The following SOX6 variants were observed in gnomAD, a reference collection of about 807,000 sequenced individuals.
SOX6 encodes the protein SRY-box transcription factor 6, also known as transcription factor SOX-6.
In SOX6, 11 loss-of-function variants were observed where a neutral mutation model predicts 97.8. The ratio of observed to expected loss-of-function variants is 0.11; its 90% CI spans 0.07 to 0.19. The LOEUF (loss-of-function observed/expected upper bound fraction) is 0.19. Ranked by LOEUF, SOX6 falls within the 10% of genes least tolerant of loss-of-function variation. The probability of loss-of-function intolerance (pLI) is 1.00; values close to 1 mark genes in which losing one functional copy is unlikely to be tolerated. For synonymous variants in SOX6, 360 were observed against 371.4 expected, an observed-to-expected ratio of 0.97 and a Z score of 0.35; for missense variants, 810 against 1,039.5, an observed-to-expected ratio of 0.78 and a Z score of 3.04.
In SOX6 at chr11:16,318,601, G is replaced by A. The variant is rs1855820959; in HGVS notation, c.290C>T (p.Thr97Ile). ...CSLYSFRNTSTSPHKPDEGSR... is the reference protein window; with the variant it reads ...CSLYSFRNTSISPHKPDEGSR... Reference sequence around the variant, plus strand: ...CCCTTCGTCAGGCTTATGTGGTGAGGTAGAGGTATTTCGGAAGGAATATAG... The same window carrying A: ...CCCTTCGTCAGGCTTATGTGGTGAGATAGAGGTATTTCGGAAGGAATATAG... The change falls in exon 3 of 16, where the codon ACC becomes ATC. Residue 97 changes from threonine to isoleucine, a missense_variant. This residue lies in a region of SOX6 where 46 missense variants were observed against 84.1 expected (regional missense o/e 0.55). Transcript: ENST00000683767. The A allele has an allele frequency of 6.2e-7, 1 of 1,613,586 alleles. No individual in the cohort carries two copies. Among genetic ancestry groups the A allele is most frequent in the Non-Finnish European group, 8.5e-7 (1 of 1,179,712 alleles).
intron 1 of SOX6, among the ~76,000 whole-genome samples, chr11:16,451,139 G>A (rs1200301629): frequency 6.6e-6 from 1 of 152,046 alleles, no homozygotes; most frequent in Non-Finnish European, 1.5e-5. Context: ...GGCTGAGGCA[G>A]GAGGATCATT....
At chr11:16,602,498 A>G (rs1215471610) in intron 4 of SOX6, among the ~76,000 whole-genome samples, 4 of 152,134 alleles carry the variant, frequency 2.6e-5, no homozygotes, top group Non-Finnish European at 1.5e-5. Flanking sequence ...GGTTTTCAAA[A>G]CTGTAGAAGG....
chr11:16,127,466 A>G (rs1422333811), intron 6 of SOX6, among the ~76,000 whole-genome samples: 1 of 152,094 alleles, frequency 6.6e-6, no homozygotes, highest in Non-Finnish European at 1.5e-5. Context: ...AAAAGAACAG[A>G]TGGTACACAA....
At chr11:16,359,837 C>A (rs941982319), upstream of SOX6, among the ~76,000 whole-genome samples, 2 of 152,168 alleles carry the variant, frequency 1.3e-5, no homozygotes, top group South Asian at 2.1e-4. Flanking sequence ...ATGCGACAAG[C>A]TCATTACTTT....
Position 16,134,574 on chromosome 11 carries a change from GT to G in SOX6, c.778-22652del, listed in dbSNP as rs571794719. ...TTTTCCAACAGTATGTGCTCACTTTGTTTCTTTGTGTTACCTTTTGGTAATT... is the reference window on the plus strand; with the variant it reads ...TTTTCCAACAGTATGTGCTCACTTTGTTCTTTGTGTTACCTTTTGGTAATT... On this transcript the variant is annotated intron_variant, in intron 6 of 15. Coordinates refer to ENST00000683767, the MANE Select transcript of SOX6 (RefSeq NM_001367873.1). Among the ~76,000 whole-genome samples the G allele has an allele frequency of 2.0e-5, 3 of 152,264 alleles. No homozygotes were observed. In the East Asian group the frequency reaches 5.8e-4, roughly 29 times the overall value.
intron 3 of SOX6, among the ~76,000 whole-genome samples, chr11:16,243,733 G>T (rs577515436): frequency 2.0e-5 from 3 of 151,894 alleles, no homozygotes; most frequent in African/African-American, 7.2e-5. Context: ...AAATAATTTT[G>T]CCTATTCTTG....
chr11:16,132,505 A>AAAGAAAGAGAAAGCAAGCAAGCAAGC (rs1451899878), intron 6 of SOX6, among the ~76,000 whole-genome samples: 1 of 86,152 alleles, frequency 1.2e-5, no homozygotes, highest in African/African-American at 4.1e-5. Flanking sequence ...AGAAAGAAAG[A>AAAGAAAGAGAAAGCAAGCAAGCAAGC]AAGCTTATCT....
intron 3 of SOX6, among the ~76,000 whole-genome samples, chr11:16,273,600 T>G (rs11023899): frequency 0.13 from 20,025 of 151,898 alleles, 1,783 homozygotes; most frequent in East Asian, 0.27. Context: ...AGAAATAATT[T>G]TCTCCATCTT....
chr11:16,024,679 C>G (rs577627335), intron 12 of SOX6, among the ~76,000 whole-genome samples: 26 of 151,894 alleles, frequency 1.7e-4, no homozygotes, highest in Non-Finnish European at 4.4e-5. Context: ...GCCACTGGAC[C>G]ATAAGCATTT....
chr11:16,043,085 C>A (rs1243376532), intron 12 of SOX6, among the ~76,000 whole-genome samples: 1 of 152,104 alleles, frequency 6.6e-6, no homozygotes, highest in East Asian at 1.9e-4. Context: ...TGCCAGATGC[C>A]CTTAGCTTAG....
In SOX6 at chr11:16,356,124, C is replaced by T. The variant is rs959046108; in HGVS notation, c.-35G>A. ...GTGGCTGCTCTTCCACTCTTCAATC[C>T]GGCTTTCTCTTACCACATCAGCCAG... On this transcript the variant is annotated 5_prime_UTR_variant, in exon 1 of 16. Transcript: ENST00000683767. 1.3e-5 allele frequency among the ~76,000 whole-genome samples: 2 copies of T among 151,844 alleles called. No homozygotes were observed. The highest frequency in any genetic ancestry group is 2.1e-4 in the South Asian group (1 of 4,804).
chr11:16,117,702 GC>G (rs1401855165), intron 6 of SOX6, among the ~76,000 whole-genome samples: 1 of 152,144 alleles, frequency 6.6e-6, no homozygotes, highest in African/African-American at 2.4e-5. Context: ...TGCACTGAGT[GC>G]CAGTGCTTAG....
At chr11:16,097,521 T>C (rs2133975702) in intron 8 of SOX6, 88 bp downstream of exon 8, 1 of 1,126,354 alleles carries the variant, frequency 8.9e-7, no homozygotes, top group East Asian at 2.5e-5. Context: ...TTATTTAACA[T>C]TCAGGCCATT....
intron 1 of SOX6, among the ~76,000 whole-genome samples, chr11:16,386,005 T>G (rs1857973199): frequency 6.6e-6 from 1 of 152,182 alleles, no homozygotes; most frequent in Non-Finnish European, 1.5e-5. Context: ...AGCCATATTG[T>G]TCTCTGGGGC....
At chr11:16,045,702 C>T (rs1855807808) in intron 12 of SOX6, among the ~76,000 whole-genome samples, 1 of 152,136 alleles carries the variant, frequency 6.6e-6, no homozygotes, top group East Asian at 1.9e-4. Flanking sequence ...TTCATCATTC[C>T]TAGTGCCTAG....
At position 16,181,811 on chromosome 11, in the gene SOX6, G is replaced by A. The variant is rs576205856; in HGVS notation, c.777+2075C>T. ...AAAAAATTTGAGTTCTTATTACAAA[G>A]AATCTTATATTTCTAAAGTGAATGT... On this transcript the variant is annotated intron_variant, in intron 6 of 15. Transcript: ENST00000683767. Among the ~76,000 whole-genome samples the A allele has an allele frequency of 2.4e-3, 370 of 151,696 alleles. 7 individuals carry two copies. Among genetic ancestry groups the A allele is most frequent in the African/African-American group, 8.6e-3 (356 of 41,474 alleles).
At chr11:16,578,065 T>A (rs1220937194) in intron 4 of SOX6, among the ~76,000 whole-genome samples, 1 of 152,170 alleles carries the variant, frequency 6.6e-6, no homozygotes, top group Non-Finnish European at 1.5e-5. Context: ...CATATGTAGG[T>A]CTTTAATTCA....
At chr11:16,333,756 T>G (rs1234504978) in intron 2 of SOX6, among the ~76,000 whole-genome samples, 1 of 152,118 alleles carries the variant, frequency 6.6e-6, no homozygotes, top group Non-Finnish European at 1.5e-5. Flanking sequence ...CTTTAAATAA[T>G]TATCAAAAAG....
chr11:16,205,781 C>T (rs185540013), intron 4 of SOX6, among the ~76,000 whole-genome samples: 1 of 152,136 alleles, frequency 6.6e-6, no homozygotes, highest in African/African-American at 2.4e-5. Flanking sequence ...TATGAAGTTA[C>T]AGAGTGGAAG....
Sources: allele counts gnomAD v4.1 joint callset (sites outside exome capture counted in the v4.1 genomes callset), GRCh38; gene constraint gnomAD v4.1.1; regional missense constraint gnomAD v4.1.1; transcripts MANE v1.5; gene names NCBI Gene and HGNC (gene_info 2026-07-23, HGNC 2026-07-21).